The following CCBE1 variants were observed in gnomAD, a reference collection of about 807,000 sequenced individuals.
The protein encoded by CCBE1 is collagen and calcium-binding EGF domain-containing protein 1.
Under a neutral mutation model 50.0 loss-of-function variants are expected in CCBE1, and 37 were observed. The observed-to-expected ratio is 0.74, with a 90% CI of 0.57 to 0.97. CCBE1 has a LOEUF of 0.97. CCBE1 is among the 50% of genes least tolerant of loss of function. The pLI, the probability that CCBE1 is intolerant of heterozygous loss-of-function variation, is 0.00. For missense variants in CCBE1, 538 were observed against 523.8 expected (o/e 1.03, Z -0.26); for synonymous variants, 234 against 203.7 (o/e 1.15, Z -1.27).
At chr18:59,551,067 T>G (rs2469429) in intron 2 of CCBE1, among the ~76,000 whole-genome samples, 143,870 of 145,860 alleles carry the variant, frequency 0.99, 70,943 homozygotes, top group East Asian at 1. Flanking sequence ...AAAAGAAAAA[T>G]AAAAATACAG....
At chr18:59,442,181 C>T (rs1008403717) in intron 7 of CCBE1, among the ~76,000 whole-genome samples, 1 of 152,144 alleles carries the variant, frequency 6.6e-6, no homozygotes, top group Non-Finnish European at 1.5e-5. Context: ...ATCAGACAGG[C>T]ACAAAAACAG....
intron 2 of CCBE1, among the ~76,000 whole-genome samples, chr18:59,638,048 A>G (rs1436757850): frequency 6.6e-6 from 1 of 152,224 alleles, no homozygotes; most frequent in African/African-American, 2.4e-5. Flanking sequence ...TTACAGGAGA[A>G]TTTTAGGAAC....
intron 2 of CCBE1, among the ~76,000 whole-genome samples, chr18:59,626,420 G>A (rs2053785984): frequency 6.6e-6 from 1 of 152,168 alleles, no homozygotes; most frequent in Non-Finnish European, 1.5e-5. Flanking sequence ...GGGGCAGGAG[G>A]GTGAGGAGAT....
intron 2 of CCBE1, among the ~76,000 whole-genome samples, chr18:59,553,292 C>G (rs963225884): frequency 3.3e-5 from 5 of 152,188 alleles, no homozygotes; most frequent in Non-Finnish European, 7.3e-5. Context: ...CAGTCTCATT[C>G]AAGCATGAGC....
intron 2 of CCBE1, among the ~76,000 whole-genome samples, chr18:59,642,176 TGATA>T (rs1028803726): frequency 6.6e-6 from 1 of 152,062 alleles, no homozygotes; most frequent in African/African-American, 2.4e-5. Flanking sequence ...AAAAACAATC[TGATA>T]GAGAAATAGG....
chr18:59,449,332 G>A (rs1344167666), intron 6 of CCBE1, among the ~76,000 whole-genome samples: 1 of 151,972 alleles, frequency 6.6e-6, no homozygotes, highest in African/African-American at 2.4e-5. Flanking sequence ...CAGAAATGCT[G>A]TCTGGGGGCC....
At chr18:59,493,005 C>T (rs567572060) in intron 2 of CCBE1, among the ~76,000 whole-genome samples, 8 of 152,298 alleles carry the variant, frequency 5.3e-5, no homozygotes, top group East Asian at 3.9e-4. Context: ...CAGTGGCGCT[C>T]GGCCTTTCTG....
chr18:59,505,778 GAGATA>G (rs1456143426), intron 2 of CCBE1, among the ~76,000 whole-genome samples: 17 of 152,212 alleles, frequency 1.1e-4, no homozygotes, highest in African/African-American at 3.4e-4. Flanking sequence ...CCCAAAGAGG[GAGATA>G]AGATAAGTTC....
At chr18:59,500,736 G>A (rs775916818) in intron 2 of CCBE1, among the ~76,000 whole-genome samples, 14 of 152,316 alleles carry the variant, frequency 9.2e-5, no homozygotes, top group East Asian at 1.9e-4. Context: ...TGTAACCATC[G>A]TGGCCTTCAG....
intron 2 of CCBE1, among the ~76,000 whole-genome samples, chr18:59,482,039 C>T (rs1912594373): frequency 6.6e-6 from 1 of 152,152 alleles, no homozygotes; most frequent in Non-Finnish European, 1.5e-5. Context: ...TAATGCTCTC[C>T]CTCCCCTTGC....
chr18:59,495,379 C>G (rs1913301134), intron 2 of CCBE1, among the ~76,000 whole-genome samples: 1 of 147,218 alleles, frequency 6.8e-6, no homozygotes, highest in Admixed American at 6.9e-5. Context: ...CCTTAACAGT[C>G]AAGTCCAGGG....
rs756373837 is a variant in CCBE1 at position 59,436,148 on chromosome 18, A to G, written c.988-7T>C. ...CGAAAGAACCAGGGGGTCCCTGTGT[A>G]CATGGGAGGAATCAAAGCTAGAATA... On this transcript the variant is annotated splice_region_variant and splice_polypyrimidine_tract_variant and intron_variant, in intron 10 of 10. Coordinates refer to ENST00000439986, the MANE Select transcript of CCBE1 (RefSeq NM_133459.4). 1.2e-6 allele frequency: 2 copies of G among 1,613,416 alleles called. No homozygotes were observed. The highest frequency in any genetic ancestry group is 3.3e-5 in the Admixed American group (2 of 60,032).
At chr18:59,524,655 T>C (rs1188009127) in intron 2 of CCBE1, among the ~76,000 whole-genome samples, 6 of 152,232 alleles carry the variant, frequency 3.9e-5, no homozygotes, top group African/African-American at 4.8e-5. Context: ...GTTTGTTACA[T>C]AGGTAAATGT....
chr18:59,448,956 G>A (rs749996), intron 6 of CCBE1, among the ~76,000 whole-genome samples: 40,884 of 152,028 alleles, frequency 0.27, 6,048 homozygotes, highest in Middle Eastern at 0.39. Context: ...GGTACCTGTG[G>A]CCCTGGGGAG....
At chr18:59,482,800 A>G (rs1447785905) in intron 2 of CCBE1, among the ~76,000 whole-genome samples, 1 of 151,974 alleles carries the variant, frequency 6.6e-6, no homozygotes, top group Non-Finnish European at 1.5e-5. Context: ...ATATATGAGA[A>G]GCTGAGAATT....
At chr18:59,667,385 G>A (rs1362927205) in intron 2 of CCBE1, among the ~76,000 whole-genome samples, 3 of 152,234 alleles carry the variant, frequency 2.0e-5, no homozygotes, top group African/African-American at 7.2e-5. Context: ...CAAGGAGGAA[G>A]GTTTTGTGAT....
At chr18:59,589,022 G>C (rs1244843776) in intron 2 of CCBE1, among the ~76,000 whole-genome samples, 1 of 152,186 alleles carries the variant, frequency 6.6e-6, no homozygotes. Context: ...GAGGGAGGAT[G>C]TCCTGAAAGT....
At chr18:59,593,395 G>A (rs2053303098) in intron 2 of CCBE1, among the ~76,000 whole-genome samples, 1 of 152,144 alleles carries the variant, frequency 6.6e-6, no homozygotes, top group African/African-American at 2.4e-5. Context: ...ATTAGCTTAA[G>A]AAAAACATGA....
chr18:59,593,006 A>C (rs2053296197), intron 2 of CCBE1, among the ~76,000 whole-genome samples: 1 of 152,238 alleles, frequency 6.6e-6, no homozygotes, highest in African/African-American at 2.4e-5. Flanking sequence ...TGATGCGTAC[A>C]TGGGCAATAA....
Sources: allele counts gnomAD v4.1 joint callset (sites outside exome capture counted in the v4.1 genomes callset), GRCh38; gene constraint gnomAD v4.1.1; transcripts MANE v1.5; gene names NCBI Gene and HGNC (gene_info 2026-07-23, HGNC 2026-07-21).